Variants in NTM observed in about 807,000 individuals in gnomAD.
NTM encodes IgLON family member 2.
In NTM, 13 loss-of-function variants were observed where a neutral mutation model predicts 42.1. The ratio of observed to expected loss-of-function variants is 0.31; its 90% CI spans 0.20 to 0.49. The LOEUF is 0.49. Among genes scored for constraint, NTM ranks in the 20% least tolerant of loss-of-function variants. NTM has a pLI of 0.99. For synonymous variants in NTM, 187 were observed against 179.2 expected (o/e 1.04, Z -0.35); for missense variants, 373 against 452.8 (o/e 0.82, Z 1.60).
intron 2 of NTM, among the ~76,000 whole-genome samples, chr11:132,024,437 T>C (rs1440713397): frequency 6.6e-6 from 1 of 152,266 alleles, no homozygotes; most frequent in Non-Finnish European, 1.5e-5. Flanking sequence ...CATATCCTTC[T>C]GTATACTTTT....
intron 1 of NTM, among the ~76,000 whole-genome samples, chr11:131,871,238 T>C (rs894745991): frequency 6.6e-6 from 1 of 152,244 alleles, no homozygotes; most frequent in Non-Finnish European, 1.5e-5. Context: ...AATTTAGTGC[T>C]CAGTGGTGCT....
At chr11:132,258,961 T>TTTAA (rs1226899017) in intron 4 of NTM, among the ~76,000 whole-genome samples, 2 of 152,228 alleles carry the variant, frequency 1.3e-5, no homozygotes, top group Non-Finnish European at 2.9e-5. Context: ...ATCTTCTGTG[T>TTTAA]TTAATTCCAT....
intron 2 of NTM, among the ~76,000 whole-genome samples, chr11:132,044,326 G>A (rs2077679723): frequency 6.6e-6 from 1 of 152,066 alleles, no homozygotes; most frequent in Non-Finnish European, 1.5e-5. Context: ...TTTCTTTCAT[G>A]CAAATATAAG....
chr11:132,163,606 T>A (rs574505976), intron 3 of NTM, among the ~76,000 whole-genome samples: 1 of 152,308 alleles, frequency 6.6e-6, no homozygotes, highest in South Asian at 2.1e-4. Context: ...GAGCCAGAGT[T>A]TGAATTCAGA....
chr11:132,268,805 A>T (rs1027724936), intron 4 of NTM, among the ~76,000 whole-genome samples: 1 of 152,072 alleles, frequency 6.6e-6, no homozygotes, highest in Non-Finnish European at 1.5e-5. Context: ...CCAGTTTGCT[A>T]TGAGAATAGT....
At chr11:131,451,849 G>T (rs1265559356) in intron 1 of NTM, among the ~76,000 whole-genome samples, 1 of 152,118 alleles carries the variant, frequency 6.6e-6, no homozygotes. Flanking sequence ...ACAGTGGCCT[G>T]CAAGGAGACC....
At chr11:131,900,654 G>A (rs954396100) in intron 1 of NTM, among the ~76,000 whole-genome samples, 3 of 151,130 alleles carry the variant, frequency 2.0e-5, no homozygotes, top group Non-Finnish European at 4.4e-5. Context: ...AGAGAAAGAG[G>A]GAGAGAGAGA....
chr11:132,303,873 C>T (rs1317619330), intron 4 of NTM, among the ~76,000 whole-genome samples: 1 of 152,140 alleles, frequency 6.6e-6, no homozygotes, highest in South Asian at 2.1e-4. Context: ...CTGGGCCCCT[C>T]AGTGTCCCCA....
intron 1 of NTM, among the ~76,000 whole-genome samples, chr11:131,620,068 G>A (rs1156658282): frequency 3.3e-5 from 5 of 152,126 alleles, no homozygotes; most frequent in Non-Finnish European, 5.9e-5. Flanking sequence ...CTCCCAAAGT[G>A]TTGGGATTAT....
chr11:131,592,082 A>G (rs1221563218), intron 1 of NTM, among the ~76,000 whole-genome samples: 1 of 152,176 alleles, frequency 6.6e-6, no homozygotes, highest in African/African-American at 2.4e-5. Context: ...TAAGTCAGTG[A>G]TGAGGGGTAG....
intron 1 of NTM, among the ~76,000 whole-genome samples, chr11:131,608,884 G>A (rs1325368515): frequency 6.6e-6 from 1 of 152,220 alleles, no homozygotes; most frequent in South Asian, 2.1e-4. Flanking sequence ...TGACGATGGA[G>A]TCATGATGAA....
At chr11:132,154,079 G>A (rs1205361733) in intron 3 of NTM, among the ~76,000 whole-genome samples, 2 of 152,164 alleles carry the variant, frequency 1.3e-5, no homozygotes, top group Admixed American at 6.5e-5. Context: ...GAAGAGTGAG[G>A]ACGCTAATAT....
chr11:131,638,272 A>C (rs1186974025), intron 1 of NTM, among the ~76,000 whole-genome samples: 1 of 152,230 alleles, frequency 6.6e-6, no homozygotes, highest in East Asian at 1.9e-4. Context: ...ATTTGAAAAC[A>C]TGCTAACAAG....
At chr11:131,902,415 C>G (rs2053307906) in intron 1 of NTM, among the ~76,000 whole-genome samples, 1 of 152,184 alleles carries the variant, frequency 6.6e-6, no homozygotes, top group African/African-American at 2.4e-5. Flanking sequence ...GTCCCGGGGC[C>G]TGCAAAGCAA....
At chr11:131,526,950 T>G (rs972050124) in intron 1 of NTM, among the ~76,000 whole-genome samples, 2 of 152,214 alleles carry the variant, frequency 1.3e-5, no homozygotes, top group African/African-American at 4.8e-5. Context: ...CTCGAGGTAT[T>G]CCCTTGTGCA....
At chr11:131,726,174 G>A (rs1437404212) in intron 1 of NTM, among the ~76,000 whole-genome samples, 2 of 152,164 alleles carry the variant, frequency 1.3e-5, no homozygotes, top group Admixed American at 1.3e-4. Flanking sequence ...ACCTGCTGCT[G>A]GAAAGAATAT....
At chr11:131,982,965 G>T (rs562639458) in intron 2 of NTM, among the ~76,000 whole-genome samples, 1 of 152,248 alleles carries the variant, frequency 6.6e-6, no homozygotes, top group South Asian at 2.1e-4. Context: ...GGGAGAGGAG[G>T]GGTCATTTCA....
chr11:131,410,591 C>A (rs1323590434), intron 1 of NTM, among the ~76,000 whole-genome samples: 2 of 144,464 alleles, frequency 1.4e-5, no homozygotes, highest in Non-Finnish European at 3.0e-5. Context: ...TCTGTTGGAT[C>A]TCTTCTTCCT....
At chr11:131,775,131 C>T (rs565796592) in intron 1 of NTM, among the ~76,000 whole-genome samples, 1 of 152,288 alleles carries the variant, frequency 6.6e-6, no homozygotes, top group Admixed American at 6.5e-5. Flanking sequence ...GCTGTGCTTC[C>T]AGCAAATCTG....
Sources: allele counts gnomAD v4.1 joint callset (sites outside exome capture counted in the v4.1 genomes callset), GRCh38; gene constraint gnomAD v4.1.1; transcripts MANE v1.5; gene names NCBI Gene and HGNC (gene_info 2026-07-23, HGNC 2026-07-21).